Variants in TECPR1 observed in about 807,000 individuals in gnomAD.
The protein encoded by TECPR1 is tectonin beta-propeller repeat containing 1.
In TECPR1, 122 loss-of-function variants were observed where a neutral mutation model predicts 162.4. The ratio of observed to expected loss-of-function variants is 0.75; its 90% CI spans 0.65 to 0.87. The LOEUF (loss-of-function observed/expected upper bound fraction) is 0.87. TECPR1 is among the 40% of genes least tolerant of loss of function. The pLI, the probability that TECPR1 is intolerant of heterozygous loss-of-function variation, is 0.00. For synonymous variants in TECPR1, 642 were observed against 670.6 expected (o/e 0.96, Z 0.66); for missense variants, 1,432 against 1,618.2 (o/e 0.88, Z 1.97).
Position 98,221,663 on chromosome 7 carries a change from T to A in TECPR1, c.3155A>T (p.Asn1052Ile). The A allele has an allele frequency of 6.2e-7, 1 of 1,612,926 alleles. No individual in the cohort carries two copies. ...AATTTAAAAAAAGAGCAACTTGCCA[T>A]TCTCATCCAGGGCATACACCGACGT... ...GQTSVYALDE[N>I]GNLWYRQGIT... is the part of the protein sequence containing the mutation. Residue 1052 changes from asparagine to isoleucine, a missense_variant and splice_region_variant, in exon 23 of 26, where the codon AAT becomes ATT. By Grantham distance (149) the Asn-to-Ile change is moderately radical (BLOSUM62 -3). Transcript: ENST00000447648.
At chr7:98,244,832 G>A (rs759112015) in intron 4 of TECPR1, 53 bp downstream of exon 4, 11 of 1,604,512 alleles carry the variant, frequency 6.9e-6, no homozygotes, top group South Asian at 2.2e-5. Flanking sequence ...AGGGACAGGC[G>A]GGAGGCACCC....
chr7:98,230,908 G>A (rs1056503435), intron 15 of TECPR1, 53 bp downstream of exon 15: 13 of 1,566,140 alleles, frequency 8.3e-6, no homozygotes, highest in Middle Eastern at 2.1e-4. Context: ...CTGTAACCAC[G>A]AGCTCGGGGT....
At chr7:98,249,545 AAGAGAGTCC>A (rs1182149670) in intron 2 of TECPR1, among the ~76,000 whole-genome samples, 1 of 152,180 alleles carries the variant, frequency 6.6e-6, no homozygotes, top group East Asian at 1.9e-4. Context: ...CACAGTGACT[AAGAGAGTCC>A]AGAGCTGCCT....
Position 98,223,095 on chromosome 7 carries a change from C to T in TECPR1, c.2823G>A (p.Pro941=), listed in dbSNP as rs201914325. 1.4e-3 allele frequency: 2,223 copies of T among 1,603,216 alleles called. 4 individuals carry two copies. The highest frequency in any genetic ancestry group is 1.8e-3 in the Non-Finnish European group (2,069 of 1,175,586). ...PIALRDVSII[P]ESPGAEGSGH... is the part of the protein sequence containing the mutation. ...CACTCCCCTCGGCACCCGGGCTCTCCGGGATGATGGACACGTCCCTGAGGG... is the reference window on the plus strand; with the variant it reads ...CACTCCCCTCGGCACCCGGGCTCTCTGGGATGATGGACACGTCCCTGAGGG... Residue 941 remains proline, a synonymous_variant, in exon 21 of 26, where the codon CCG becomes CCA. Coordinates refer to ENST00000447648, the MANE Select transcript of TECPR1 (RefSeq NM_015395.3).
At position 98,243,585 on chromosome 7, in the gene TECPR1, G is replaced by C. The variant is rs748172603; in HGVS notation, c.539C>G (p.Ser180Trp). 2 of 1,612,126 alleles carry C rather than the reference G, an allele frequency of 1.2e-6. No individual in the cohort carries two copies. Among genetic ancestry groups the C allele is most frequent in the Non-Finnish European group, 1.7e-6 (2 of 1,179,512 alleles). Residue 180 changes from serine to tryptophan, a missense_variant, in exon 6 of 26, where the codon TCG becomes TGG. Ser to Trp is a radical substitution (Grantham distance 177). Coordinates refer to ENST00000447648, the MANE Select transcript of TECPR1 (RefSeq NM_015395.3). ...GGGCAGCTCCTTGGGGTCATCCTTC[G>C]AGGGGATCTGAAGGAAGGAAGTGAG... ...KSRDIWAKIP[S>W]KDDPKELPDP...
Position 98,217,466 on chromosome 7 carries a change from G to C in TECPR1, c.3422C>G (p.Thr1141Ser). Reference sequence around the variant, plus strand: ...CTGGGACGAGCTCCGGGGGGCCCTGGTGGCATTGGCCCGGACAGAGATATG... The same window carrying C: ...CTGGGACGAGCTCCGGGGGGCCCTGCTGGCATTGGCCCGGACAGAGATATG... ...WDHISVRANA[T>S]RAPRSSSQEQ... Residue 1141 changes from threonine (T) to serine (S), a missense_variant, in exon 26 of 26, where the codon ACC becomes AGC. Thr to Ser is a moderately conservative substitution (Grantham distance 58). Transcript: ENST00000447648. 1 of 1,610,486 alleles carries C rather than the reference G, an allele frequency of 6.2e-7. No individual in the cohort carries two copies. Among genetic ancestry groups the C allele is most frequent in the Middle Eastern group, 1.7e-4 (1 of 6,054 alleles).
intron 19 of TECPR1, among the ~76,000 whole-genome samples, chr7:98,224,273 C>A (rs1314499448): frequency 6.6e-6 from 1 of 152,122 alleles, no homozygotes; most frequent in Admixed American, 6.5e-5. Context: ...CGTGAAGGGC[C>A]TGCCCACGCC....
At position 98,233,830 on chromosome 7, in the gene TECPR1, C is replaced by G. The variant is rs779052748; in HGVS notation, c.1263G>C (p.Glu421Asp). 6.1e-5 allele frequency: 98 copies of G among 1,595,474 alleles called. No homozygotes were observed. The highest frequency in any genetic ancestry group is 1.8e-4 in the Admixed American group (10 of 56,948). ...GGAGAATCTGGCCAGGCCCTGGTCT[C>G]TCGACTTCCGAGGAGGCATCGGTGT... is the stretch of plus-strand genomic sequence containing the variant. Reference protein sequence around the residue: ...PSDTDASSEVERPGPGQILPA... With the variant: ...PSDTDASSEVDRPGPGQILPA... The change falls in exon 11 of 26, where the codon GAG (glutamate) becomes GAC (aspartate). Residue 421 changes from glutamate to aspartate, a missense_variant. Glu to Asp is a conservative substitution (Grantham distance 45). Transcript: ENST00000447648.
Position 98,245,957 on chromosome 7 carries a change from G to A in TECPR1, c.190C>T (p.Pro64Ser), listed in dbSNP as rs556814749. The A allele has an allele frequency of 6.2e-7, 1 of 1,605,844 alleles. No individual in the cohort carries two copies. Among genetic ancestry groups the A allele is most frequent in the East Asian group, 2.2e-5 (1 of 44,546 alleles). ...VYVYVCASDV[P>S]IRRREEAYEN... is the part of the protein sequence containing the mutation. ...TAGGCCTCCTCTCGGCGGCGGATGG[G>A]GACATCGCTGGCACACACATACACG... Residue 64 changes from proline (P) to serine (S), a missense_variant, in exon 3 of 26, where the codon CCC becomes TCC. Physicochemically the swap from Pro to Ser is moderately conservative, Grantham distance 74. Coordinates refer to ENST00000447648, the MANE Select transcript of TECPR1 (RefSeq NM_015395.3).
chr7:98,228,424 GGC>G, intron 16 of TECPR1: 7 of 362,860 alleles, frequency 1.9e-5, no homozygotes, highest in Admixed American at 7.4e-5. Context: ...GCACCAGGGA[GGC>G]ATGAGGCCCA....
At position 98,233,740 on chromosome 7, in the gene TECPR1, G is replaced by C. The variant is rs747739320; in HGVS notation, c.1353C>G (p.Gly451=). ...CTTCCACGGTATCTTCTGCGGTCCT[G>C]CCAGCCCCCAGGCCTGAGGCTGAGT... The part of the protein sequence containing the change: ...TGNSASGLGA[G]RTAEDTVEDA... Residue 451 remains glycine, a synonymous_variant, in exon 11 of 26, where the codon GGC becomes GGG. Coordinates refer to ENST00000447648, the MANE Select transcript of TECPR1 (RefSeq NM_015395.3). 2 of 1,612,710 alleles carry C rather than the reference G, an allele frequency of 1.2e-6. No individual in the cohort carries two copies. The highest frequency in any genetic ancestry group is 3.3e-5 in the Admixed American group (2 of 59,984).
At chr7:98,218,419 G>A (rs1798070486) in intron 23 of TECPR1, among the ~76,000 whole-genome samples, 2 of 152,332 alleles carry the variant, frequency 1.3e-5, no homozygotes, top group East Asian at 1.9e-4. Flanking sequence ...TCGAAAAAGA[G>A]GAAGTCACGG....
chr7:98,222,790 GTGTCCCCTTGGCCCAC>G, intron 21 of TECPR1, 184 bp downstream of exon 21: 1 of 819,480 alleles, frequency 1.2e-6, no homozygotes, highest in Non-Finnish European at 2.0e-6. Context: ...AAGAGCCGCA[GTGTCCCCTTGGCCCAC>G]CTCTGTCACC....
At chr7:98,225,251 C>T in intron 17 of TECPR1, 149 bp from the exon 18 acceptor site, 1 of 748,004 alleles carries the variant, frequency 1.3e-6, no homozygotes, top group Non-Finnish European at 2.2e-6. Flanking sequence ...GAGGTGACAG[C>T]CTGCTGGGCA....
At position 98,240,934 on chromosome 7, in the gene TECPR1, C is replaced by T. The variant is rs1396899737; in HGVS notation, c.850G>A (p.Val284Met). ...CCGTTTTCAGATCCAGGAGGCTCCA[C>T]GATGGACCAGGAACTTCCTACCGGG... ...SNPKGSSWSI[V>M]EPPGSENGVM... The change falls in exon 8 of 26, where the codon GTG (valine) becomes ATG (methionine). Residue 284 changes from valine (V) to methionine (M), a missense_variant. Physicochemically the swap from Val to Met is conservative, Grantham distance 21. Coordinates refer to ENST00000447648, the MANE Select transcript of TECPR1 (RefSeq NM_015395.3). The T allele has an allele frequency of 3.1e-6, 5 of 1,608,186 alleles. No individual in the cohort carries two copies. The highest frequency in any genetic ancestry group is 2.2e-5 in the South Asian group (2 of 89,510).
chr7:98,228,127 A>G lies in TECPR1; in HGVS notation c.2411-11T>C. The G allele has an allele frequency of 1.2e-6, 2 of 1,603,752 alleles. No homozygotes were observed. The highest frequency in any genetic ancestry group is 1.7e-6 in the Non-Finnish European group (2 of 1,174,846). ...TGCTGCTGGCCAGGCCTGTGGGGAG[A>G]GGTGGCTGCTGGGACCGAGGCCACA... is the stretch of plus-strand genomic sequence containing the variant. On this transcript the variant is annotated splice_polypyrimidine_tract_variant and intron_variant, in intron 16 of 25. Coordinates refer to ENST00000447648, the MANE Select transcript of TECPR1 (RefSeq NM_015395.3).
chr7:98,223,810 A>G, intron 19 of TECPR1, 92 bp from the exon 20 acceptor site: 1 of 1,403,220 alleles, frequency 7.1e-7, no homozygotes, highest in Admixed American at 1.7e-5. Context: ...TACCCGTTAC[A>G]GGGCATGGGG....
At chr7:98,238,420 T>G in intron 9 of TECPR1, 89 bp downstream of exon 9, 1 of 1,069,564 alleles carries the variant, frequency 9.3e-7, no homozygotes, top group Non-Finnish European at 1.4e-6. Flanking sequence ...TCTCCTACAG[T>G]GGGAAGCGGC....
At position 98,241,194 on chromosome 7, in the gene TECPR1, C is replaced by A; in HGVS notation, c.708G>T (p.Trp236Cys). ...VSHSNPEGSS[W>C]SLLDTPGEVV... is the part of the protein sequence containing the mutation. The stretch of plus-strand genomic sequence containing the variant: ...CCTCCCCGGGGGTGTCCAGCAGGGA[C>A]CAGGAGGACCCTTCGGGGTTGGAGT... Residue 236 changes from tryptophan (W) to cysteine (C), a missense_variant, in exon 7 of 26, where the codon TGG becomes TGT. By Grantham distance (215) the Trp-to-Cys change is radical. Coordinates refer to ENST00000447648, the MANE Select transcript of TECPR1 (RefSeq NM_015395.3). This position sits in a 1 kb window ranked among gnomAD's most constrained non-coding sequence, Gnocchi z 5.0. 6.2e-7 allele frequency: 1 copy of A among 1,612,868 alleles called. No individual in the cohort carries two copies. The highest frequency in any genetic ancestry group is 8.5e-7 in the Non-Finnish European group (1 of 1,179,836).
Sources: allele counts gnomAD v4.1 joint callset (sites outside exome capture counted in the v4.1 genomes callset), GRCh38; gene constraint gnomAD v4.1.1; non-coding constraint Gnocchi (gnomAD v3.1); transcripts MANE v1.5; gene names NCBI Gene and HGNC (gene_info 2026-07-23, HGNC 2026-07-21).